Variants in STK32B observed in about 807,000 individuals in gnomAD.
STK32B encodes the protein serine/threonine kinase 32B.
In STK32B, 43 loss-of-function variants were observed where a neutral mutation model predicts 52.6. The observed-to-expected ratio is 0.82, with a 90% CI of 0.64 to 1.05. The LOEUF (loss-of-function observed/expected upper bound fraction) is 1.05, where lower values mean the gene tolerates loss of function less well. Ranked by LOEUF, STK32B falls within the 50% of genes least tolerant of loss-of-function variation. The pLI is 0.00. For synonymous variants in STK32B, 238 were observed against 204.3 expected (o/e 1.17, Z -1.41); for missense variants, 621 against 534.6 (o/e 1.16, Z -1.59).
At chr4:5,441,641 G>T (rs1293068974) in intron 6 of STK32B, among the ~76,000 whole-genome samples, 1 of 151,984 alleles carries the variant, frequency 6.6e-6, no homozygotes, top group East Asian at 1.9e-4. Flanking sequence ...CTTGCCTTCT[G>T]CTAGCTTTTG....
chr4:5,252,462 G>T (rs1485951159), intron 3 of STK32B, among the ~76,000 whole-genome samples: 3 of 152,220 alleles, frequency 2.0e-5, no homozygotes, highest in African/African-American at 7.2e-5. Context: ...ATGATTGCCA[G>T]TGCTGCTGCA....
At chr4:5,253,943 T>C (rs1300409382) in intron 3 of STK32B, among the ~76,000 whole-genome samples, 1 of 152,138 alleles carries the variant, frequency 6.6e-6, no homozygotes, top group Non-Finnish European at 1.5e-5. Context: ...ATAGCCACCG[T>C]GCGTGGCTAA....
chr4:5,178,985 G>T (rs770449880), intron 3 of STK32B, among the ~76,000 whole-genome samples: 1 of 152,180 alleles, frequency 6.6e-6, no homozygotes, highest in African/African-American at 2.4e-5. Flanking sequence ...GTGCCTTACT[G>T]CCTCGGTACC....
chr4:5,028,020 G>T, the STK32B span, among the ~76,000 whole-genome samples: 18 of 152,326 alleles, frequency 1.2e-4, no homozygotes, highest in African/African-American at 4.1e-4. Flanking sequence ...CTAATGCAGA[G>T]TTCCTTCAGC....
At chr4:5,090,292 G>C (rs1248415356) in intron 1 of STK32B, among the ~76,000 whole-genome samples, 2 of 150,880 alleles carry the variant, frequency 1.3e-5, no homozygotes, top group East Asian at 3.9e-4. Flanking sequence ...GCCCATGACT[G>C]TGTCCTGAAT....
intron 3 of STK32B, among the ~76,000 whole-genome samples, chr4:5,281,431 G>A (rs1728190916): frequency 6.6e-6 from 1 of 152,044 alleles, no homozygotes; most frequent in Non-Finnish European, 1.5e-5. Context: ...TCACACACCA[G>A]GACCTGTTAG....
At chr4:5,231,211 G>C (rs1286037696) in intron 3 of STK32B, among the ~76,000 whole-genome samples, 3 of 152,214 alleles carry the variant, frequency 2.0e-5, no homozygotes, top group Non-Finnish European at 2.9e-5. Flanking sequence ...AGCTCCAAGA[G>C]GGAAGAGATC....
At chr4:5,437,890 T>C (rs1445676917) in intron 6 of STK32B, 4 of 982,886 alleles carry the variant, frequency 4.1e-6, no homozygotes, top group East Asian at 1.1e-4. Flanking sequence ...TTTGGTGGCA[T>C]AGGGATTATG....
chr4:5,094,767 T>G (rs78152283), intron 1 of STK32B, among the ~76,000 whole-genome samples: 1,819 of 152,270 alleles, frequency 0.012, 38 homozygotes, highest in Admixed American at 0.052. Flanking sequence ...GTCAAGTTTT[T>G]GGGCAGTCAA....
chr4:5,091,908 G>A (rs1455686181), intron 1 of STK32B, among the ~76,000 whole-genome samples: 1 of 152,164 alleles, frequency 6.6e-6, no homozygotes, highest in Non-Finnish European at 1.5e-5. Flanking sequence ...CAACATGGAT[G>A]AACTTTTAAA....
chr4:5,067,821 G>A (rs530470790), intron 1 of STK32B, among the ~76,000 whole-genome samples: 8 of 152,166 alleles, frequency 5.3e-5, no homozygotes, highest in South Asian at 2.1e-4. Flanking sequence ...CTATCATGGC[G>A]GAAGGCGAAG....
At chr4:5,223,641 G>A (rs1411901221) in intron 3 of STK32B, among the ~76,000 whole-genome samples, 5 of 151,930 alleles carry the variant, frequency 3.3e-5, no homozygotes, top group Non-Finnish European at 2.9e-5. Flanking sequence ...GTGAAACCCT[G>A]TCTCTACCAA....
intron 11 of STK32B, among the ~76,000 whole-genome samples, chr4:5,472,938 C>T (rs887691660): frequency 6.6e-6 from 1 of 151,998 alleles, no homozygotes; most frequent in Admixed American, 6.6e-5. Context: ...ATAATCTCTG[C>T]CCTCTACCTA....
At chr4:5,305,743 G>T (rs1729887281) in intron 3 of STK32B, among the ~76,000 whole-genome samples, 1 of 151,890 alleles carries the variant, frequency 6.6e-6, no homozygotes, top group Non-Finnish European at 1.5e-5. Flanking sequence ...TCCTTTGCTA[G>T]GGTTGGGTTT....
chr4:5,236,482 C>T (rs765859428), intron 3 of STK32B, among the ~76,000 whole-genome samples: 14 of 152,138 alleles, frequency 9.2e-5, no homozygotes. Context: ...CCTGAGAAAC[C>T]CAGGCTGTAT....
intron 3 of STK32B, among the ~76,000 whole-genome samples, chr4:5,176,258 C>G (rs560335808): frequency 1.3e-5 from 2 of 152,078 alleles, no homozygotes; most frequent in Non-Finnish European, 2.9e-5. Context: ...CCAGGTGAGG[C>G]GATGCCTCGC....
chr4:5,175,275 G>A (rs898901816), intron 3 of STK32B, among the ~76,000 whole-genome samples: 1 of 152,030 alleles, frequency 6.6e-6, no homozygotes, highest in African/African-American at 2.4e-5. Context: ...GGAGTAGTTT[G>A]ATCTTCTGAA....
chr4:5,174,354 C>T (rs559442246), intron 3 of STK32B, among the ~76,000 whole-genome samples: 1 of 152,204 alleles, frequency 6.6e-6, no homozygotes, highest in Admixed American at 6.5e-5. Context: ...ATGATGTTAG[C>T]TGGTTATTTT....
At chr4:5,120,359 T>A (rs1714961668) in intron 1 of STK32B, among the ~76,000 whole-genome samples, 2 of 152,146 alleles carry the variant, frequency 1.3e-5, no homozygotes, top group South Asian at 4.1e-4. Flanking sequence ...TCTCATATTG[T>A]CACAAGAAGG....
Sources: gnomAD v4.1 joint callset for allele counts (sites outside exome capture counted in the v4.1 genomes callset) on GRCh38, gnomAD v4.1.1 for gene constraint, MANE v1.5 for transcripts, NCBI Gene and HGNC (gene_info 2026-07-23, HGNC 2026-07-21) for gene names.